Variants in TGM5 observed in about 807,000 individuals in gnomAD.
TGM5 encodes protein-glutamine gamma-glutamyltransferase 5.
Under a neutral mutation model 77.2 loss-of-function variants are expected in TGM5, and 69 were observed. The ratio of observed to expected loss-of-function variants is 0.89; its 90% CI spans 0.74 to 1.09. The LOEUF is 1.09. Among genes scored for constraint, TGM5 ranks in the 50% least tolerant of loss-of-function variants. The pLI is 0.00. For synonymous variants in TGM5, 346 were observed against 351.8 expected (o/e 0.98, Z 0.18); for missense variants, 842 against 896.5 (o/e 0.94, Z 0.78).
chr15:43,235,328 G>A, intron 10 of TGM5, 141 bp downstream of exon 10: 1 of 1,102,410 alleles, frequency 9.1e-7, no homozygotes. Context: ...AAGGAGAAGA[G>A]GGAAGGAGGG....
At chr15:43,239,133 G>C (rs766823899) in intron 8 of TGM5, 30 bp downstream of exon 8, 25 of 1,613,934 alleles carry the variant, frequency 1.5e-5, no homozygotes, top group Non-Finnish European at 2.0e-5. Context: ...CCACGGGAGC[G>C]GGGCCTGCCT....
chr15:43,266,767 C>T (rs2042827192), intron 1 of TGM5, 73 bp downstream of exon 1: 5 of 1,577,842 alleles, frequency 3.2e-6, no homozygotes, highest in African/African-American at 1.3e-5. Flanking sequence ...CCACCCTCCA[C>T]CCCTTGACTT....
At chr15:43,263,726 A>T (rs1281966327) in intron 1 of TGM5, among the ~76,000 whole-genome samples, 6 of 152,250 alleles carry the variant, frequency 3.9e-5, no homozygotes, top group Non-Finnish European at 8.8e-5. Context: ...GAAAACATAG[A>T]GGTAAGTCTT....
At chr15:43,238,078 G>A (rs78850399) in intron 9 of TGM5, among the ~76,000 whole-genome samples, 5,493 of 152,098 alleles carry the variant, frequency 0.036, 322 homozygotes, top group African/African-American at 0.12. Flanking sequence ...TGTCCCCGAG[G>A]CCCACGTAGA....
At position 43,235,562 on chromosome 15, in the gene TGM5, C is replaced by T. The variant is rs2042582905; in HGVS notation, c.1621G>A (p.Val541Met). 1 of 1,614,192 alleles carries T rather than the reference C, an allele frequency of 6.2e-7. No homozygotes were observed. The part of the protein sequence containing the change: ...NMSSQFKDLK[V>M]NLSAQSLLHD... ...AGCAGAGACTGGGCACTCAGGTTCA[C>T]TTTGAGGTCCTTGAACTGGGAGGAC... Residue 541 changes from valine (V) to methionine (M), a missense_variant, in exon 10 of 13, where the codon GTG becomes ATG. Coordinates refer to ENST00000220420, the MANE Select transcript of TGM5 (RefSeq NM_201631.4).
Position 43,233,057 on chromosome 15 carries a change from A to G in TGM5, c.*134T>C. Reference sequence around the variant, plus strand: ...GAGTCAGGAGAGACAGAAAATGAACACGTCATCCCCTCTGTGGCTCTTGCT... The same window carrying G: ...GAGTCAGGAGAGACAGAAAATGAACGCGTCATCCCCTCTGTGGCTCTTGCT... On this transcript the variant is annotated 3_prime_UTR_variant, in exon 13 of 13. Transcript: ENST00000220420. 1.8e-6 allele frequency: 2 copies of G among 1,091,192 alleles called. No individual in the cohort carries two copies. Among genetic ancestry groups the G allele is most frequent in the South Asian group, 1.5e-5 (1 of 65,824 alleles). The allele number at this position is 1,091,192 out of a possible 1,614,324, so 67.6% of individuals were successfully genotyped here.
intron 1 of TGM5, among the ~76,000 whole-genome samples, chr15:43,266,593 A>T (rs976588583): frequency 2.0e-5 from 3 of 152,134 alleles, no homozygotes; most frequent in South Asian, 4.1e-4. Flanking sequence ...GCCCTGTCCC[A>T]CCTGGCTATG....
intron 9 of TGM5, among the ~76,000 whole-genome samples, chr15:43,238,110 C>T (rs573318544): frequency 6.6e-6 from 1 of 152,352 alleles, no homozygotes; most frequent in East Asian, 1.9e-4. Flanking sequence ...CACCCACTCA[C>T]CAGCACTCCC....
chr15:43,255,877 A>C (rs1423735646), intron 4 of TGM5, among the ~76,000 whole-genome samples: 2 of 152,218 alleles, frequency 1.3e-5, no homozygotes, highest in Non-Finnish European at 2.9e-5. Flanking sequence ...TTTTACGTAT[A>C]AAGTAGCGTT....
chr15:43,238,903 G>A lies in TGM5; in HGVS notation c.1259C>T (p.Thr420Met), dbSNP rs140691294. 203 of 1,614,212 alleles carry A rather than the reference G, an allele frequency of 1.3e-4. No individual in the cohort carries two copies. The African/African-American group carries it at 2.3e-3, about 18-fold the overall frequency. The change falls in exon 9 of 13, where the codon ACG (threonine) becomes ATG (methionine). Residue 420 changes from threonine (T) to methionine (M), a missense_variant. By Grantham distance (81) the Thr-to-Met change is moderately conservative. Around this residue, in one of 2 missense-constraint regions of TGM5, gnomAD observed 815 missense variants for 844.6 expected, o/e 0.96. Coordinates refer to ENST00000220420, the MANE Select transcript of TGM5 (RefSeq NM_201631.4). Reference protein sequence around the residue: ...GGKEQKLHQDTSSVGNFISTK... With the variant: ...GGKEQKLHQDMSSVGNFISTK... ...GCTGATAAAATTGCCAACAGAACTC[G>A]TGTCCTGGTGAAGCTTCTGCTCCTT...
At chr15:43,240,765 T>C in intron 7 of TGM5, 87 bp downstream of exon 7, 1 of 1,576,084 alleles carries the variant, frequency 6.3e-7, no homozygotes, top group Non-Finnish European at 8.7e-7. Flanking sequence ...GGGACCAGGC[T>C]CATGGACCTC....
Position 43,239,161 on chromosome 15 carries a change from A to G in TGM5, c.1105+2T>C, listed in dbSNP as rs539780475. The G allele has an allele frequency of 6.2e-7, 1 of 1,614,008 alleles. No homozygotes were observed. Among genetic ancestry groups the G allele is most frequent in the South Asian group, 1.1e-5 (1 of 91,074 alleles). On this transcript the variant is annotated splice_donor_variant, in intron 8 of 12. Coordinates refer to ENST00000220420, the MANE Select transcript of TGM5 (RefSeq NM_201631.4). LOFTEE classifies it high-confidence loss of function. ...GCCTGCCTTTCTTCTGGAGAGCCTC[A>G]CCGTTGCTCATCTCCTGAGGTGTGG...
chr15:43,260,940 C>T (rs1468625629), intron 1 of TGM5, among the ~76,000 whole-genome samples: 1 of 152,128 alleles, frequency 6.6e-6, no homozygotes, highest in African/African-American at 2.4e-5. Context: ...TTCACCCCAG[C>T]ATCCGCTTTC....
chr15:43,260,677 C>T (rs961148033), intron 1 of TGM5, 98 bp from the exon 2 acceptor site: 7 of 1,325,712 alleles, frequency 5.3e-6, no homozygotes, highest in Non-Finnish European at 7.6e-6. Flanking sequence ...AGTAACTTAG[C>T]TTGAGCCTCA....
rs970641847 is a variant in TGM5, at chr15:43,259,407, A to G, written c.436+645T>C. ...AGTGAAATAATTGTAGCTGCTAAGA[A>G]GAATGCTCCGATAGGAAAATGTGCC... On this transcript the variant is annotated intron_variant, in intron 3 of 12. Transcript: ENST00000220420. Among the ~76,000 whole-genome samples, 4 of 152,160 alleles carry G rather than the reference A, an allele frequency of 2.6e-5. No individual in the cohort carries two copies. In the East Asian group the frequency reaches 7.7e-4, roughly 29 times the overall value.
chr15:43,243,347 T>C (rs922518964), intron 6 of TGM5, among the ~76,000 whole-genome samples: 16 of 152,220 alleles, frequency 1.1e-4, no homozygotes, highest in African/African-American at 3.9e-4. Flanking sequence ...AACTCACCAC[T>C]ATCCTGATGG....
At chr15:43,233,465 G>T in intron 12 of TGM5, 89 bp downstream of exon 12, 1 of 1,612,800 alleles carries the variant, frequency 6.2e-7, no homozygotes, top group South Asian at 1.1e-5. Context: ...CGGTGTTGTG[G>T]AGTCTGGCTC....
chr15:43,241,349 C>T (rs2042634918), intron 6 of TGM5: 2 of 351,700 alleles, frequency 5.7e-6, no homozygotes, highest in African/African-American at 2.1e-5. Flanking sequence ...CCTAAATCTC[C>T]ATCTTCAAGC....
intron 1 of TGM5, among the ~76,000 whole-genome samples, chr15:43,260,932 C>G (rs142163133): frequency 1.7e-3 from 257 of 152,264 alleles, no homozygotes; most frequent in Middle Eastern, 6.8e-3. Flanking sequence ...GCTTCAGATT[C>G]ACCCCAGCAT....
Sources: allele counts gnomAD v4.1 joint callset (sites outside exome capture counted in the v4.1 genomes callset), GRCh38; gene constraint gnomAD v4.1.1; regional missense constraint gnomAD v4.1.1; transcripts MANE v1.5; gene names NCBI Gene and HGNC (gene_info 2026-07-23, HGNC 2026-07-21).